RFX4: variants seen among roughly 807,000 people sequenced by gnomAD.
RFX4 encodes the protein regulatory factor X4, also known as transcription factor RFX4.
In RFX4, 10 loss-of-function variants were observed where a neutral mutation model predicts 95.0. The ratio of observed to expected loss-of-function variants is 0.11; its 90% CI spans 0.06 to 0.18. The LOEUF is 0.18. RFX4 is among the 10% of genes least tolerant of loss of function. The pLI is 1.00. For missense variants in RFX4, 640 were observed against 922.0 expected (o/e 0.69, Z 3.96); for synonymous variants, 321 against 340.7 (o/e 0.94, Z 0.64).
At chr12:106,626,459 G>A (rs1235216222) in intron 2 of RFX4, among the ~76,000 whole-genome samples, 3 of 152,170 alleles carry the variant, frequency 2.0e-5, no homozygotes, top group Non-Finnish European at 2.9e-5. Flanking sequence ...AAGAATCATG[G>A]GAAATAGGGC....
At position 106,720,066 on chromosome 12, in the gene RFX4, G is replaced by C; in HGVS notation, c.1233+12G>C. ...GCTGTGTTGTGAAGGTTGGTAAACC[G>C]GCACCTAGCGGGCAGCCTTGGGCCC... is the stretch of plus-strand genomic sequence containing the variant. On this transcript the variant is annotated intron_variant, in intron 12 of 17. Transcript: ENST00000392842. The surrounding 1 kb of genome is among the most constrained non-coding windows in gnomAD (Gnocchi z 4.2). 1 of 1,611,586 alleles carries C rather than the reference G, an allele frequency of 6.2e-7. No homozygotes were observed. The highest frequency in any genetic ancestry group is 8.5e-7 in the Non-Finnish European group (1 of 1,177,930).
intron 8 of RFX4, among the ~76,000 whole-genome samples, chr12:106,700,403 CTTTTTT>C (rs989886928): frequency 1.6e-5 from 2 of 122,696 alleles, no homozygotes; most frequent in Non-Finnish European, 3.4e-5. Context: ...TCTTCTTTTT[CTTTTTT>C]TTTTTTTTTT....
chr12:106,628,673 C>T (rs113410215), intron 2 of RFX4, among the ~76,000 whole-genome samples: 1 of 152,170 alleles, frequency 6.6e-6, no homozygotes, highest in Non-Finnish European at 1.5e-5. Context: ...CTGCAACACT[C>T]TACCCCAGCT....
chr12:106,589,842 A>G (rs1246169012), intron 1 of RFX4, among the ~76,000 whole-genome samples: 5 of 152,222 alleles, frequency 3.3e-5, no homozygotes, highest in African/African-American at 7.2e-5. Flanking sequence ...GGGATTTTAA[A>G]TGGTGGCAGC....
At chr12:106,639,662 T>C (rs1225344051) in intron 3 of RFX4, among the ~76,000 whole-genome samples, 1 of 152,240 alleles carries the variant, frequency 6.6e-6, no homozygotes, top group Non-Finnish European at 1.5e-5. Flanking sequence ...GTATTATTAA[T>C]TGATTTTAAT....
chr12:106,721,862 C>T (rs900594807), intron 13 of RFX4, among the ~76,000 whole-genome samples: 2 of 152,202 alleles, frequency 1.3e-5, no homozygotes, highest in Admixed American at 1.3e-4. Context: ...GGTCTTGTCA[C>T]CATTTTCCAG....
chr12:106,680,060 T>C (rs2041475773), intron 4 of RFX4, among the ~76,000 whole-genome samples: 1 of 152,220 alleles, frequency 6.6e-6, no homozygotes, highest in African/African-American at 2.4e-5. Context: ...CCTTAAAGAA[T>C]TCAGAGAATT....
At chr12:106,627,313 G>A (rs563641000) in intron 2 of RFX4, among the ~76,000 whole-genome samples, 15 of 152,230 alleles carry the variant, frequency 9.9e-5, no homozygotes, top group African/African-American at 3.1e-4. Context: ...CGAGGCAGGC[G>A]GATCACTTGA....
chr12:106,734,769 A>G (rs972938069), intron 15 of RFX4, among the ~76,000 whole-genome samples: 5 of 152,078 alleles, frequency 3.3e-5, no homozygotes, highest in African/African-American at 1.2e-4. Flanking sequence ...GATGAGAACT[A>G]AAAAGAAATC....
Position 106,719,951 on chromosome 12 carries a change from G to A in RFX4, c.1139-9G>A. ...AGTGATGCGTGTGGGGTTCTCCTTT[G>A]TTTGACAGTATATCAGGAGTTTGAC... On this transcript the variant is annotated splice_polypyrimidine_tract_variant and intron_variant, in intron 11 of 17. Coordinates refer to ENST00000392842, the MANE Select transcript of RFX4 (RefSeq NM_213594.3). 6.2e-7 allele frequency: 1 copy of A among 1,611,962 alleles called. No individual in the cohort carries two copies. Among genetic ancestry groups the A allele is most frequent in the Non-Finnish European group, 8.5e-7 (1 of 1,178,092 alleles).
intron 5 of RFX4, 162 bp downstream of exon 5, chr12:106,682,216 C>T: frequency 1.5e-6 from 1 of 657,354 alleles, no homozygotes; most frequent in Non-Finnish European, 2.6e-6. Flanking sequence ...GCCCCTCTCT[C>T]AGGACTCCTG....
chr12:106,675,267 C>T (rs1437061356), intron 4 of RFX4, among the ~76,000 whole-genome samples: 1 of 152,084 alleles, frequency 6.6e-6, no homozygotes, highest in Non-Finnish European at 1.5e-5. Context: ...CCCATCTCTA[C>T]TAAAAGTACA....
chr12:106,721,354 T>C (rs1215657571), intron 13 of RFX4, among the ~76,000 whole-genome samples: 1 of 152,188 alleles, frequency 6.6e-6, no homozygotes, highest in East Asian at 1.9e-4. Flanking sequence ...AAGAGGGCAT[T>C]TGCATTCACT....
At chr12:106,687,912 C>T (rs180687104) in intron 6 of RFX4, among the ~76,000 whole-genome samples, 3 of 152,172 alleles carry the variant, frequency 2.0e-5, no homozygotes, top group Non-Finnish European at 2.9e-5. Flanking sequence ...GTCCATTTTC[C>T]CATGTGCTGC....
At chr12:106,679,896 G>A (rs755865139) in intron 4 of RFX4, among the ~76,000 whole-genome samples, 17 of 152,214 alleles carry the variant, frequency 1.1e-4, no homozygotes, top group South Asian at 2.1e-4. Context: ...GCTAGACAAA[G>A]TGTTTAAAGA....
intron 13 of RFX4, among the ~76,000 whole-genome samples, chr12:106,730,999 CA>C (rs34482385): frequency 1.6e-4 from 23 of 144,074 alleles, no homozygotes; most frequent in African/African-American, 2.3e-4. Flanking sequence ...GACTCCGTCT[CA>C]AAAAAAAAAG....
chr12:106,758,948 A>C (rs1473792485), intron 17 of RFX4, among the ~76,000 whole-genome samples: 2 of 152,208 alleles, frequency 1.3e-5, no homozygotes, highest in Non-Finnish European at 2.9e-5. Context: ...TCTAGTAGTA[A>C]CGTCCCAATG....
At chr12:106,647,923 C>A (rs1309786515) in intron 3 of RFX4, among the ~76,000 whole-genome samples, 1 of 152,030 alleles carries the variant, frequency 6.6e-6, no homozygotes, top group African/African-American at 2.4e-5. Context: ...GTGGTGGAGG[C>A]AGGATTCAAA....
At chr12:106,591,562 G>A (rs1431166238) in intron 1 of RFX4, among the ~76,000 whole-genome samples, 3 of 152,148 alleles carry the variant, frequency 2.0e-5, no homozygotes, top group Middle Eastern at 3.4e-3. Context: ...CATCGCGTCC[G>A]GCTAAAATAA....
Sources: gnomAD v4.1 joint callset for allele counts (sites outside exome capture counted in the v4.1 genomes callset) on GRCh38, gnomAD v4.1.1 for gene constraint, Gnocchi (gnomAD v3.1) non-coding constraint, MANE v1.5 for transcripts, NCBI Gene and HGNC (gene_info 2026-07-23, HGNC 2026-07-21) for gene names.